Variants in AEBP2 observed in about 807,000 individuals in gnomAD.
The protein encoded by AEBP2 is AE binding protein 2, also known as zinc finger protein AEBP2.
In AEBP2, 10 loss-of-function variants were observed where a neutral mutation model predicts 50.8. The observed-to-expected ratio is 0.20, with a 90% CI of 0.12 to 0.33. The LOEUF (loss-of-function observed/expected upper bound fraction) is 0.33, where lower values mean the gene tolerates loss of function less well. Among genes scored for constraint, AEBP2 ranks in the 10% least tolerant of loss-of-function variants. The pLI is 1.00. For synonymous variants in AEBP2, 296 were observed against 261.3 expected, an observed-to-expected ratio of 1.13 and a Z score of -1.28; for missense variants, 570 against 688.0, an observed-to-expected ratio of 0.83 and a Z score of 1.92.
intron 1 of AEBP2, among the ~76,000 whole-genome samples, chr12:19,447,782 G>A (rs186412511): frequency 3.3e-5 from 5 of 152,282 alleles, no homozygotes; most frequent in Admixed American, 1.3e-4. Flanking sequence ...CTTTATTGCC[G>A]TCAGGAAATG....
At chr12:19,455,889 A>G (rs1176065304) in intron 1 of AEBP2, among the ~76,000 whole-genome samples, 1 of 152,102 alleles carries the variant, frequency 6.6e-6, no homozygotes, top group East Asian at 1.9e-4. Flanking sequence ...ATATGAAACA[A>G]TTTCTTAGAT....
chr12:19,516,018 G>A (rs79130345), intron 7 of AEBP2, among the ~76,000 whole-genome samples: 5,440 of 152,234 alleles, frequency 0.036, 171 homozygotes, highest in East Asian at 0.061. Flanking sequence ...CTGGAAGTTC[G>A]AGGCTGCAGT....
At chr12:19,451,508 C>T (rs566863701) in intron 1 of AEBP2, among the ~76,000 whole-genome samples, 9 of 152,232 alleles carry the variant, frequency 5.9e-5, no homozygotes, top group South Asian at 4.2e-4. Context: ...GTTCCAAGAG[C>T]GAGCCAGGCT....
At chr12:19,454,227 T>C (rs1028562399) in intron 1 of AEBP2, among the ~76,000 whole-genome samples, 2 of 152,126 alleles carry the variant, frequency 1.3e-5, no homozygotes, top group African/African-American at 2.4e-5. Context: ...GGATTAGTAG[T>C]AAGGACGTTT....
At chr12:19,467,251 A>G (rs775038634) in intron 2 of AEBP2, among the ~76,000 whole-genome samples, 1 of 151,624 alleles carries the variant, frequency 6.6e-6, no homozygotes, top group Non-Finnish European at 1.5e-5. Flanking sequence ...GCTTTCTGCA[A>G]TTTCAAAAAT....
chr12:19,505,211 T>A (rs1000683928), intron 5 of AEBP2, among the ~76,000 whole-genome samples: 3 of 152,304 alleles, frequency 2.0e-5, no homozygotes, highest in African/African-American at 7.2e-5. Context: ...GAACATAGTT[T>A]TATGATATGG....
intron 1 of AEBP2, among the ~76,000 whole-genome samples, chr12:19,447,227 T>A (rs1948087154): frequency 6.6e-6 from 1 of 152,222 alleles, no homozygotes; most frequent in Admixed American, 6.5e-5. Context: ...ATCAAATTCT[T>A]TTTATTCTCT....
intron 2 of AEBP2, among the ~76,000 whole-genome samples, chr12:19,465,985 T>G (rs1948466552): frequency 6.6e-6 from 1 of 151,606 alleles, no homozygotes; most frequent in African/African-American, 2.4e-5. Context: ...ATAGATGGGA[T>G]TTCACCATAT....
At chr12:19,462,361 C>T (rs1004938693) in intron 1 of AEBP2, 149 bp from the exon 2 acceptor site, 23 of 641,112 alleles carry the variant, frequency 3.6e-5, no homozygotes, top group Middle Eastern at 4.0e-4. Flanking sequence ...AATTTAAAAG[C>T]ATTGTTGTTT....
rs1205447902 is a variant in AEBP2, at chr12:19,522,120, TTCTC to T, written c.*4005_*4008del. 6.6e-6 allele frequency: 1 copy of T among 152,090 alleles called. No homozygotes were observed. Among genetic ancestry groups the T allele is most frequent in the Non-Finnish European group, 1.5e-5 (1 of 68,004 alleles). The allele number at this position is 152,090 out of a possible 1,614,324, so 9.4% of individuals were successfully genotyped here. On this transcript the variant is annotated 3_prime_UTR_variant, in exon 8 of 8. Transcript: ENST00000266508. ...TTTGGGGATTTTGGTTAAAACATAT[TTCTC>T]TATTCTAAAAATTACAGAATATGTA... is the stretch of plus-strand genomic sequence containing the variant.
chr12:19,477,416 C>G (rs61912776), intron 3 of AEBP2, among the ~76,000 whole-genome samples: 7,418 of 152,222 alleles, frequency 0.049, 240 homozygotes, highest in South Asian at 0.076. Flanking sequence ...TTTCCCCGTT[C>G]AGTAGAATAT....
At chr12:19,445,192 A>C (rs917590834) in intron 1 of AEBP2, among the ~76,000 whole-genome samples, 1 of 151,312 alleles carries the variant, frequency 6.6e-6, no homozygotes, top group African/African-American at 2.4e-5. Context: ...AATCCATGTT[A>C]TGTGACAGAT....
intron 4 of AEBP2, among the ~76,000 whole-genome samples, 172 bp from the exon 5 acceptor site, chr12:19,499,925 A>T (rs1275472968): frequency 6.6e-6 from 1 of 152,212 alleles, no homozygotes; most frequent in Non-Finnish European, 1.5e-5. Flanking sequence ...ATTTGTTGAA[A>T]TAATGCTTTT....
At position 19,462,551 on chromosome 12, in the gene AEBP2, G is replaced by A; in HGVS notation, c.713G>A (p.Ser238Asn). 6.2e-7 allele frequency: 1 copy of A among 1,613,252 alleles called. No individual in the cohort carries two copies. The highest frequency in any genetic ancestry group is 8.5e-7 in the Non-Finnish European group (1 of 1,179,594). Residue 238 changes from serine (S) to asparagine (N), a missense_variant, in exon 2 of 8, where the codon AGT (serine) becomes AAT (asparagine). By Grantham distance (46) the Ser-to-Asn change is conservative. Around this residue, in one of 2 missense-constraint regions of AEBP2, gnomAD observed 184 missense variants for 351.2 expected, o/e 0.52. Transcript: ENST00000266508. ...ATGGATGTAGACAGCACAATTTCCAGTGGGCGTTCAACTCCAGCAATGATG... is the reference window on the plus strand; with the variant it reads ...ATGGATGTAGACAGCACAATTTCCAATGGGCGTTCAACTCCAGCAATGATG... ...TIMDVDSTIS[S>N]GRSTPAMMNG... is the part of the protein sequence containing the mutation.
intron 5 of AEBP2, among the ~76,000 whole-genome samples, chr12:19,505,077 G>A (rs898479136): frequency 2.6e-5 from 4 of 152,156 alleles, no homozygotes; most frequent in South Asian, 2.1e-4. Flanking sequence ...AAGAGTTGGC[G>A]GGTAAAATAC....
chr12:19,467,760 A>G (rs1268781535), intron 2 of AEBP2, among the ~76,000 whole-genome samples: 2 of 152,116 alleles, frequency 1.3e-5, no homozygotes, highest in Admixed American at 6.5e-5. Context: ...TTTCTTAGCT[A>G]TTTCTCACAT....
upstream of AEBP2, among the ~76,000 whole-genome samples, chr12:19,437,106 T>G (rs541284680): frequency 1.3e-5 from 2 of 152,208 alleles, no homozygotes; most frequent in Non-Finnish European, 2.9e-5. Context: ...TCCAGAGAAG[T>G]CTGCTCTATA....
intron 2 of AEBP2, among the ~76,000 whole-genome samples, chr12:19,463,963 A>G (rs2153370529): frequency 6.6e-6 from 1 of 152,124 alleles, no homozygotes; most frequent in South Asian, 2.1e-4. Flanking sequence ...ACCGTGTGTG[A>G]CCGAAATTTC....
chr12:19,425,572 G>A (rs1421467765), intron 1 of AEBP2, among the ~76,000 whole-genome samples: 2 of 151,818 alleles, frequency 1.3e-5, no homozygotes, highest in Non-Finnish European at 2.9e-5. Flanking sequence ...TTGAGAGTTC[G>A]AGACCAGGCT....
Sources: gnomAD v4.1 joint callset for allele counts (sites outside exome capture counted in the v4.1 genomes callset) on GRCh38, gnomAD v4.1.1 for gene constraint, gnomAD v4.1.1 regional missense constraint, MANE v1.5 for transcripts, NCBI Gene and HGNC (gene_info 2026-07-23, HGNC 2026-07-21) for gene names.